Variants in ARHGEF18 observed in about 807,000 individuals in gnomAD.
The protein encoded by ARHGEF18 is rho guanine nucleotide exchange factor 18.
ARHGEF18 carries 93 observed loss-of-function variants against 155.7 expected under a neutral mutation model. The observed-to-expected ratio is 0.60, with a 90% CI of 0.50 to 0.71. The LOEUF (loss-of-function observed/expected upper bound fraction) is 0.71, where lower values mean the gene tolerates loss of function less well. Ranked by LOEUF, ARHGEF18 falls within the 30% of genes least tolerant of loss-of-function variation. The pLI is 0.00. For missense variants in ARHGEF18, 1,593 were observed against 1,816.1 expected (o/e 0.88, Z 2.23); for synonymous variants, 742 against 753.1 (o/e 0.99, Z 0.24).
intron 15 of ARHGEF18, among the ~76,000 whole-genome samples, chr19:7,447,824 T>C (rs1975091882): frequency 6.6e-6 from 1 of 151,910 alleles, no homozygotes; most frequent in Non-Finnish European, 1.5e-5. Flanking sequence ...CAAGATCCTG[T>C]CTCTAAGAAA....
chr19:7,473,308 C>G (rs1194316140), downstream of ARHGEF18: 1 of 455,822 alleles, frequency 2.2e-6, no homozygotes, highest in East Asian at 7.0e-5. Flanking sequence ...GCAGCACTGT[C>G]CACCAGGAAG....
At chr19:7,381,839 T>A (rs1970761039) in intron 8 of ARHGEF18, among the ~76,000 whole-genome samples, 1 of 152,062 alleles carries the variant, frequency 6.6e-6, no homozygotes, top group African/African-American at 2.4e-5. Context: ...CTCCCTCCTT[T>A]CCTCCCTCCC....
intron 10 of ARHGEF18, among the ~76,000 whole-genome samples, chr19:7,429,014 C>T (rs1973813255): frequency 6.6e-6 from 1 of 152,246 alleles, no homozygotes; most frequent in Non-Finnish European, 1.5e-5. Flanking sequence ...AGCCCGCAGG[C>T]CTAGGCCACG....
At chr19:7,405,206 G>C (rs144002563) in intron 10 of ARHGEF18, among the ~76,000 whole-genome samples, 1 of 152,166 alleles carries the variant, frequency 6.6e-6, no homozygotes, top group Non-Finnish European at 1.5e-5. Flanking sequence ...CAATCCGCCC[G>C]CCTCAGCCTC....
intron 1 of ARHGEF18, among the ~76,000 whole-genome samples, chr19:7,349,602 AC>A (rs1969108714): frequency 6.6e-6 from 1 of 151,604 alleles, no homozygotes; most frequent in South Asian, 2.1e-4. Context: ...ACATGGTGAA[AC>A]CCCGTCTCTA....
chr19:7,437,566 C>G (rs1476493382), intron 10 of ARHGEF18, among the ~76,000 whole-genome samples: 1 of 152,052 alleles, frequency 6.6e-6, no homozygotes, highest in Non-Finnish European at 1.5e-5. Context: ...TAGCTGCTCT[C>G]TTCCTGTAAC....
the ARHGEF18 span, among the ~76,000 whole-genome samples, chr19:7,479,092 G>C: frequency 6.6e-6 from 1 of 152,188 alleles, no homozygotes; most frequent in Admixed American, 6.5e-5. Flanking sequence ...GGGTACCCAG[G>C]GTGCAGGATG....
chr19:7,427,271 C>T (rs550703023), intron 10 of ARHGEF18, among the ~76,000 whole-genome samples: 8 of 152,286 alleles, frequency 5.3e-5, no homozygotes, highest in South Asian at 4.1e-4. Flanking sequence ...GTGGGCCCAA[C>T]GGCAAGTGTG....
intron 10 of ARHGEF18, among the ~76,000 whole-genome samples, chr19:7,389,857 G>A (rs1971299426): frequency 6.6e-6 from 1 of 152,096 alleles, no homozygotes; most frequent in Non-Finnish European, 1.5e-5. Context: ...ATTTGATTTT[G>A]ATTTGCAGGA....
At chr19:7,457,522 C>T (rs1975921999) in intron 18 of ARHGEF18, among the ~76,000 whole-genome samples, 1 of 151,782 alleles carries the variant, frequency 6.6e-6, no homozygotes, top group Admixed American at 6.6e-5. Flanking sequence ...GCCGCCACAC[C>T]CGGCTACTTT....
At chr19:7,386,688 C>A (rs535209655) in intron 10 of ARHGEF18, among the ~76,000 whole-genome samples, 1 of 152,014 alleles carries the variant, frequency 6.6e-6, no homozygotes, top group Non-Finnish European at 1.5e-5. Flanking sequence ...AGAGGTCTGT[C>A]GGAACCTGTT....
intron 10 of ARHGEF18, among the ~76,000 whole-genome samples, chr19:7,388,871 G>A (rs548138680): frequency 5.9e-5 from 9 of 152,030 alleles, no homozygotes; most frequent in South Asian, 2.1e-4. Context: ...ATGAGCCACC[G>A]CGCCTGGCCT....
chr19:7,382,708 C>A, intron 8 of ARHGEF18, 84 bp from the exon 9 acceptor site: 1 of 968,856 alleles, frequency 1.0e-6, no homozygotes, highest in African/African-American at 1.7e-5. Context: ...AGACAGGTTG[C>A]AGGTGGATTC....
At chr19:7,359,710 C>T (rs2145331429) in intron 1 of ARHGEF18, among the ~76,000 whole-genome samples, 1 of 151,618 alleles carries the variant, frequency 6.6e-6, no homozygotes, top group Middle Eastern at 3.4e-3. Context: ...GTATATGACA[C>T]CAGGATCATG....
At chr19:7,403,549 C>CTT (rs200331404) in intron 10 of ARHGEF18, among the ~76,000 whole-genome samples, 42 of 130,178 alleles carry the variant, frequency 3.2e-4, no homozygotes, top group African/African-American at 1.5e-3. Flanking sequence ...TTCTTTCTTT[C>CTT]TTTCTTTTTT....
chr19:7,399,296 G>A (rs1313010836), intron 10 of ARHGEF18, among the ~76,000 whole-genome samples: 2 of 152,190 alleles, frequency 1.3e-5, no homozygotes, highest in Middle Eastern at 3.4e-3. Context: ...AATGTCCTCC[G>A]AGAGCATTCG....
At position 7,470,949 on chromosome 19, in the gene ARHGEF18, CCAGT is replaced by C; in HGVS notation, c.*655_*658del. On this transcript the variant is annotated 3_prime_UTR_variant, in exon 29 of 29. Transcript: ENST00000668164. This position sits in a 1 kb window ranked among gnomAD's most constrained non-coding sequence, Gnocchi z 5.9. ...CCACTGAGGGAACATCAGTGGCCCT[CCAGT>C]CAGGTTCTGTGGGTTTGGAAGCCCA... 1 of 400,578 alleles carries C rather than the reference CCAGT, an allele frequency of 2.5e-6. No individual in the cohort carries two copies. The highest frequency in any genetic ancestry group is 3.1e-4 in the Middle Eastern group (1 of 3,204). 24.8% of individuals were successfully genotyped at this position (400,578 alleles called of 1,614,324 possible). A position where few individuals can be genotyped will look rare whatever the true frequency, so the allele number is the denominator to read the frequency against.
rs563666174 is a variant in ARHGEF18 at position 7,373,920 on chromosome 19, C to T, written c.275+849C>T. Among the ~76,000 whole-genome samples, 293 of 150,214 alleles carry T rather than the reference C, an allele frequency of 2.0e-3. 4 individuals are homozygous for T. The highest frequency in any genetic ancestry group is 1.2e-3 in the East Asian group (6 of 5,104). ...GGCTACAGGCTCACACCACCACACC[C>T]GGCTAATTTTTTGTATTTTTAGTAG... On this transcript the variant is annotated intron_variant, in intron 3 of 28. Transcript: ENST00000668164.
intron 1 of ARHGEF18, among the ~76,000 whole-genome samples, chr19:7,362,007 GAAGA>G: frequency 1.2e-4 from 6 of 51,096 alleles, no homozygotes; most frequent in African/African-American, 6.4e-4. Flanking sequence ...AGAAGAAGAA[GAAGA>G]AGAAGGAGAA....
Sources: gnomAD v4.1 joint callset for allele counts (sites outside exome capture counted in the v4.1 genomes callset) on GRCh38, gnomAD v4.1.1 for gene constraint, Gnocchi (gnomAD v3.1) non-coding constraint, MANE v1.5 for transcripts, NCBI Gene and HGNC (gene_info 2026-07-23, HGNC 2026-07-21) for gene names.